GSE1: variants seen among roughly 807,000 people sequenced by gnomAD.
GSE1 encodes Gse1 coiled-coil protein, also known as genetic suppressor element 1.
In GSE1, 32 loss-of-function variants were observed where a neutral mutation model predicts 112.6. The ratio of observed to expected loss-of-function variants is 0.28; its 90% CI spans 0.21 to 0.38. The LOEUF is 0.38. Ranked by LOEUF, GSE1 falls within the 10% of genes least tolerant of loss-of-function variation. The pLI, the probability that GSE1 is intolerant of heterozygous loss-of-function variation, is 1.00. For missense variants in GSE1, 2,348 were observed against 1,699.2 expected (o/e 1.38, Z -6.71); for synonymous variants, 1,115 against 735.6 (o/e 1.52, Z -8.35).
chr16:85,352,356 G>A (rs1018441277), intron 1 of GSE1, among the ~76,000 whole-genome samples: 2 of 152,194 alleles, frequency 1.3e-5, no homozygotes, highest in African/African-American at 4.8e-5. Flanking sequence ...TAAAGGTGGT[G>A]GCTGCGGTCC....
intron 2 of GSE1, among the ~76,000 whole-genome samples, chr16:85,646,444 G>C (rs1250090104): frequency 6.6e-6 from 1 of 152,258 alleles, no homozygotes; most frequent in Non-Finnish European, 1.5e-5. Flanking sequence ...GCTGGTGGGT[G>C]GACATGTGCC....
chr16:85,336,818 C>A (rs1029374326), intron 1 of GSE1, among the ~76,000 whole-genome samples: 4 of 152,212 alleles, frequency 2.6e-5, no homozygotes, highest in Admixed American at 2.0e-4. Flanking sequence ...ACAAGGCACT[C>A]ATATGTATAC....
chr16:85,657,589 C>A lies in GSE1; in HGVS notation c.1625C>A (p.Pro542Gln), dbSNP rs541016216. 2 of 1,536,262 alleles carry A rather than the reference C, an allele frequency of 1.3e-6. No homozygotes were observed. Among genetic ancestry groups the A allele is most frequent in the Non-Finnish European group, 1.8e-6 (2 of 1,142,678 alleles). Residue 542 changes from proline (P) to glutamine (Q), a missense_variant, in exon 8 of 16, where the codon CCG becomes CAG. Transcript: ENST00000253458. ...PPVPAEAEHRPESTTRPGPNR... is the reference protein window; with the variant it reads ...PPVPAEAEHRQESTTRPGPNR... Reference sequence around the variant, plus strand: ...GTGCCGGCGGAGGCAGAGCACAGGCCGGAGAGCACCACCAGGTGAGTGAGC... The same window carrying A: ...GTGCCGGCGGAGGCAGAGCACAGGCAGGAGAGCACCACCAGGTGAGTGAGC...
chr16:85,480,000 A>G (rs1004676466), intron 2 of GSE1, among the ~76,000 whole-genome samples: 2 of 152,242 alleles, frequency 1.3e-5, no homozygotes, highest in Non-Finnish European at 2.9e-5. Flanking sequence ...GAGGCCACAC[A>G]GCGGCCATGA....
At chr16:85,508,603 G>T (rs2051623232) in intron 2 of GSE1, among the ~76,000 whole-genome samples, 1 of 152,210 alleles carries the variant, frequency 6.6e-6, no homozygotes, top group African/African-American at 2.4e-5. Context: ...GTCAGGGCAG[G>T]GCCCGCGGCC....
rs1555561576 is a variant in GSE1 at position 85,320,468 on chromosome 16, G to GTT, written c.2284-36989_2284-36988dup. 2.0e-3 allele frequency among the ~76,000 whole-genome samples: 311 copies of GTT among 151,892 alleles called. 1 individual carries two copies. Among genetic ancestry groups the GTT allele is most frequent in the African/African-American group, 6.9e-3 (287 of 41,416 alleles). On this transcript the variant is annotated intron_variant, in intron 1 of 2. Transcript: ENST00000637419. The stretch of plus-strand genomic sequence containing the variant: ...GTTTTGTTTTGTTTTGTTTTGTTTT[G>GTT]TTTTTTTGTAGAAATGGAGTCTCTC...
chr16:85,259,187 G>A (rs1319112999), intron 1 of GSE1, among the ~76,000 whole-genome samples: 5 of 152,034 alleles, frequency 3.3e-5, no homozygotes, highest in Non-Finnish European at 5.9e-5. Context: ...GCGGGGGCTC[G>A]TGCCCCTGGT....
intron 1 of GSE1, among the ~76,000 whole-genome samples, chr16:85,290,129 G>C (rs1021909302): frequency 6.6e-6 from 1 of 152,160 alleles, no homozygotes. Context: ...AAGTGGTTTG[G>C]ATGCCAGTTA....
At chr16:85,174,496 G>A (rs1010921521) in intron 1 of GSE1, among the ~76,000 whole-genome samples, 9 of 152,204 alleles carry the variant, frequency 5.9e-5, no homozygotes, top group East Asian at 3.9e-4. Flanking sequence ...GGAGAATGCC[G>A]GAAATGCAGC....
chr16:85,377,037 G>A (rs753774240), intron 2 of GSE1, among the ~76,000 whole-genome samples: 26 of 152,208 alleles, frequency 1.7e-4, no homozygotes, highest in Non-Finnish European at 3.2e-4. Context: ...CACCGACCAC[G>A]TGTTGATTTT....
intron 1 of GSE1, among the ~76,000 whole-genome samples, chr16:85,266,840 G>A (rs1345316820): frequency 1.3e-5 from 2 of 152,140 alleles, no homozygotes; most frequent in Non-Finnish European, 1.5e-5. Context: ...GCTGAGGACT[G>A]GAGCCACACA....
intron 1 of GSE1, among the ~76,000 whole-genome samples, chr16:85,617,594 C>A (rs1165270960): frequency 1.6e-5 from 1 of 60,766 alleles, no homozygotes; most frequent in African/African-American, 6.5e-5. Context: ...GTGTGTCAAC[C>A]CTCCCCCCCC....
intron 2 of GSE1, among the ~76,000 whole-genome samples, chr16:85,369,540 C>T (rs551146893): frequency 1.4e-4 from 21 of 152,188 alleles, no homozygotes; most frequent in African/African-American, 4.6e-4. Flanking sequence ...TCTCACATCT[C>T]CCACCACCCA....
chr16:85,224,098 C>T (rs193064344), intron 1 of GSE1, among the ~76,000 whole-genome samples: 321 of 151,890 alleles, frequency 2.1e-3, no homozygotes, highest in African/African-American at 7.3e-3. Context: ...TCTGGGGGCA[C>T]GTGGCGCATC....
At chr16:85,206,323 A>C (rs1240641016) in intron 1 of GSE1, among the ~76,000 whole-genome samples, 1 of 152,122 alleles carries the variant, frequency 6.6e-6, no homozygotes, top group African/African-American at 2.4e-5. Flanking sequence ...GGGTGGGGGC[A>C]CGGTGGAAGG....
intron 1 of GSE1, among the ~76,000 whole-genome samples, chr16:85,218,423 A>G (rs1200755232): frequency 6.6e-6 from 1 of 152,226 alleles, no homozygotes; most frequent in Non-Finnish European, 1.5e-5. Context: ...AAAGAGAATT[A>G]AACCCCTTCA....
At position 85,530,906 on chromosome 16, in the gene GSE1, C is replaced by T. The variant is rs114774985; in HGVS notation, c.2465-103008C>T. Among the ~76,000 whole-genome samples, 1,312 of 152,364 alleles carry T rather than the reference C, an allele frequency of 8.6e-3. 18 individuals are homozygous for T. The highest frequency in any genetic ancestry group is 0.03 in the African/African-American group (1,250 of 41,594). On this transcript the variant is annotated intron_variant, in intron 2 of 2. Coordinates refer to the GSE1 transcript ENST00000637419. ...CGTGCCAGAGCTGAGGCGTAGCCCC[C>T]TTGGCCACTCCCTGGACAGTGACTT... is the stretch of plus-strand genomic sequence containing the variant.
At chr16:85,441,655 AAAAC>A (rs138312792) in intron 2 of GSE1, among the ~76,000 whole-genome samples, 5,399 of 152,266 alleles carry the variant, frequency 0.035, 340 homozygotes, top group African/African-American at 0.12. Context: ...TCAAAACACA[AAAAC>A]AAAAAACAAA....
rs1355894688 is a variant in GSE1 at position 85,374,541 on chromosome 16, TGTGCGC to T, written c.2464+16900_2464+16905del. On this transcript the variant is annotated intron_variant, in intron 2 of 2. Coordinates refer to the GSE1 transcript ENST00000637419. ...CAGTGTGTGCGTGTGTGTGTGTGTGTGTGCGCGCGCGCGTGCACAGGTAGCTCCTAG... is the reference window on the plus strand; with the variant it reads ...CAGTGTGTGCGTGTGTGTGTGTGTGTGCGCGCGTGCACAGGTAGCTCCTAG... 2.5e-3 allele frequency among the ~76,000 whole-genome samples: 52 copies of T among 20,880 alleles called. No homozygotes were observed. The Non-Finnish European group carries it at 0.028, about 11-fold the overall frequency. 13.7% of individuals were successfully genotyped at this position (20,880 alleles called of 152,430 possible). A position where few individuals can be genotyped will look rare whatever the true frequency, so the allele number is the denominator to read the frequency against.
Sources: allele counts gnomAD v4.1 joint callset (sites outside exome capture counted in the v4.1 genomes callset), GRCh38; gene constraint gnomAD v4.1.1; transcripts MANE v1.5; gene names NCBI Gene and HGNC (gene_info 2026-07-23, HGNC 2026-07-21).